PLEKHA3: variants seen among roughly 807,000 people sequenced by gnomAD.
The protein encoded by PLEKHA3 is pleckstrin homology domain containing A3.
A neutral mutation model predicts 39.2 loss-of-function variants in PLEKHA3; 19 were observed. The ratio of observed to expected loss-of-function variants is 0.48; its 90% CI spans 0.34 to 0.71. The LOEUF (loss-of-function observed/expected upper bound fraction) is 0.71. Among genes scored for constraint, PLEKHA3 ranks in the 30% least tolerant of loss-of-function variants. The pLI is 0.01. For missense variants in PLEKHA3, 253 were observed against 359.5 expected (o/e 0.70, Z 2.40); for synonymous variants, 97 against 118.6 (o/e 0.82, Z 1.18).
intron 5 of PLEKHA3, among the ~76,000 whole-genome samples, chr2:178,498,779 G>T (rs558298336): frequency 2.2e-3 from 331 of 152,156 alleles, no homozygotes; most frequent in African/African-American, 7.8e-3. Context: ...ATGATAAAGA[G>T]AAGCTTTGCT....
At chr2:178,491,495 A>G (rs1202982699) in intron 3 of PLEKHA3, among the ~76,000 whole-genome samples, 1 of 152,192 alleles carries the variant, frequency 6.6e-6, no homozygotes, top group African/African-American at 2.4e-5. Flanking sequence ...TTACCTTTGG[A>G]AGTGGAATTT....
intron 3 of PLEKHA3, among the ~76,000 whole-genome samples, chr2:178,492,043 A>C (rs1685356653): frequency 1.3e-5 from 2 of 152,184 alleles, no homozygotes; most frequent in African/African-American, 4.8e-5. Context: ...ACCCAGACTC[A>C]ACATGAGTTT....
rs1169891743 is a variant in PLEKHA3 at position 178,506,798 on chromosome 2, G to C, written c.*2911G>C. On this transcript the variant is annotated 3_prime_UTR_variant, in exon 8 of 8. Coordinates refer to ENST00000234453, the MANE Select transcript of PLEKHA3 (RefSeq NM_019091.4). ...CTGGCCTGAAAGAAAGCCAGATTAG[G>C]CTGCAGGAGTTCCTTTGAGGAGGTC... is the stretch of plus-strand genomic sequence containing the variant. 1 of 151,984 alleles carries C rather than the reference G, an allele frequency of 6.6e-6. No homozygotes were observed. Among genetic ancestry groups the C allele is most frequent in the Non-Finnish European group, 1.5e-5 (1 of 67,920 alleles). The allele number at this position is 151,984 out of a possible 1,614,324, so 9.4% of individuals were successfully genotyped here.
At chr2:178,494,550 A>T (rs1008064524) in intron 4 of PLEKHA3, among the ~76,000 whole-genome samples, 3 of 152,144 alleles carry the variant, frequency 2.0e-5, no homozygotes, top group Non-Finnish European at 4.4e-5. Context: ...ACTTGGTAGA[A>T]GTGGGGCAAG....
rs748907551 is a variant in PLEKHA3 at position 178,480,829 on chromosome 2, G to C, written c.-41G>C. 2 of 1,315,646 alleles carry C rather than the reference G, an allele frequency of 1.5e-6. No homozygotes were observed. The highest frequency in any genetic ancestry group is 3.1e-5 in the Admixed American group (1 of 32,718). The allele number at this position is 1,315,646 out of a possible 1,614,324, so 81.5% of individuals were successfully genotyped here. A position where few individuals can be genotyped will look rare whatever the true frequency, so the allele number is the denominator to read the frequency against. Reference sequence around the variant, plus strand: ...CTGCGCCTACCCCATCACCGCGGCCGGCGCCGGGCCGGGAGGATGCGCGGT... The same window carrying C: ...CTGCGCCTACCCCATCACCGCGGCCCGCGCCGGGCCGGGAGGATGCGCGGT... On this transcript the variant is annotated 5_prime_UTR_variant, in exon 1 of 8. Transcript: ENST00000234453.
intron 7 of PLEKHA3, 103 bp from the exon 8 acceptor site, chr2:178,503,657 A>G: frequency 8.1e-7 from 1 of 1,241,344 alleles, no homozygotes; most frequent in Non-Finnish European, 1.1e-6. Flanking sequence ...CCAGAAGCTA[A>G]AGGAATTTCA....
chr2:178,501,153 A>G lies in PLEKHA3; in HGVS notation c.752A>G (p.Asp251Gly). ...RTYSDTDSCSDIPLEDPDRPV... is the reference protein window; with the variant it reads ...RTYSDTDSCSGIPLEDPDRPV... ...TACTCAGATACAGATTCTTGTAGTG[A>G]TATTCCTCTTGAAGACCCAGATAGT... is the stretch of plus-strand genomic sequence containing the variant. Residue 251 changes from aspartate to glycine, a missense_variant, in exon 7 of 8, where the codon GAT becomes GGT. Transcript: ENST00000234453. 2 of 1,612,696 alleles carry G rather than the reference A, an allele frequency of 1.2e-6. No homozygotes were observed. The highest frequency in any genetic ancestry group is 2.2e-5 in the South Asian group (2 of 90,932).
intron 3 of PLEKHA3, among the ~76,000 whole-genome samples, chr2:178,492,944 A>T (rs756415614): frequency 5.3e-5 from 8 of 152,200 alleles, no homozygotes; most frequent in Admixed American, 2.0e-4. Context: ...GTTTTTTTTA[A>T]AAAGGAGAAA....
Position 178,490,719 on chromosome 2 carries a change from T to C in PLEKHA3, c.218T>C (p.Met73Thr). Residue 73 changes from methionine (M) to threonine (T), a missense_variant, in exon 3 of 8, where the codon ATG becomes ACG. Met to Thr is a moderately conservative substitution (Grantham distance 81). Around this residue, in one of 2 missense-constraint regions of PLEKHA3, gnomAD observed 126 missense variants for 222.7 expected, o/e 0.57. Transcript: ENST00000234453. The stretch of plus-strand genomic sequence containing the variant: ...ATTCCTGGAGAGCAGCATTTCTACA[T>C]GAAGGCAGTGAATGCAGCTGAAAGA... ...LIIPGEQHFY[M>T]KAVNAAERQR... The C allele has an allele frequency of 6.2e-7, 1 of 1,613,970 alleles. No homozygotes were observed. The highest frequency in any genetic ancestry group is 8.5e-7 in the Non-Finnish European group (1 of 1,179,810).
chr2:178,515,756 T>C lies in PLEKHA3; in HGVS notation c.*11869T>C, dbSNP rs1276479378. On this transcript the variant is annotated 3_prime_UTR_variant, in exon 8 of 8. Transcript: ENST00000234453. ...CTTGAGTGAATTTAAAACTCACTGC[T>C]TTATTATTTAATATCTTAGATACAA... is the stretch of plus-strand genomic sequence containing the variant. The C allele has an allele frequency of 4.6e-5, 7 of 152,248 alleles. No homozygotes were observed. The East Asian group carries it at 1.3e-3, about 29-fold the overall frequency. The allele number at this position is 152,248 out of a possible 1,614,324, so 9.4% of individuals were successfully genotyped here.
chr2:178,499,379 C>A, intron 6 of PLEKHA3, 125 bp downstream of exon 6: 2 of 796,324 alleles, frequency 2.5e-6, no homozygotes, highest in East Asian at 2.8e-5. Context: ...TCAAAACCAG[C>A]ATTTTATCTC....
intron 3 of PLEKHA3, among the ~76,000 whole-genome samples, chr2:178,493,011 A>T (rs1685378094): frequency 6.6e-6 from 1 of 152,238 alleles, no homozygotes; most frequent in Admixed American, 6.5e-5. Flanking sequence ...GCGCAGATAG[A>T]GCTGCTTTGT....
At chr2:178,497,922 A>C (rs1375364668) in intron 5 of PLEKHA3, among the ~76,000 whole-genome samples, 1 of 151,954 alleles carries the variant, frequency 6.6e-6, no homozygotes, top group African/African-American at 2.4e-5. Context: ...ATGGAAAGTA[A>C]GGTCAGACAA....
chr2:178,504,151 A>C lies in PLEKHA3; in HGVS notation c.*264A>C. ...ACAAATGATGGTGTAACATTTTGAC[A>C]TCCATAAGGACAAATGTAGATATTT... On this transcript the variant is annotated 3_prime_UTR_variant, in exon 8 of 8. Coordinates refer to ENST00000234453, the MANE Select transcript of PLEKHA3 (RefSeq NM_019091.4). The C allele has an allele frequency of 3.7e-6, 1 of 270,622 alleles. No homozygotes were observed. Among genetic ancestry groups the C allele is most frequent in the Non-Finnish European group, 7.2e-6 (1 of 138,808 alleles). 16.8% of individuals were successfully genotyped at this position (270,622 alleles called of 1,614,324 possible). A position where few individuals can be genotyped will look rare whatever the true frequency, so the allele number is the denominator to read the frequency against.
At chr2:178,499,560 A>AG (rs1685497880) in intron 6 of PLEKHA3, among the ~76,000 whole-genome samples, 1 of 152,188 alleles carries the variant, frequency 6.6e-6, no homozygotes, top group South Asian at 2.1e-4. Flanking sequence ...CATCAATGAT[A>AG]GACTGCATAT....
intron 3 of PLEKHA3, among the ~76,000 whole-genome samples, 196 bp downstream of exon 3, chr2:178,491,010 C>CTTTTTT (rs1204723389): frequency 9.3e-5 from 12 of 129,520 alleles, no homozygotes; most frequent in South Asian, 2.5e-4. Flanking sequence ...CTCTTTCTTT[C>CTTTTTT]TTTTTTTTTT....
chr2:178,499,170 T>C (rs780062299), intron 5 of PLEKHA3, 41 bp from the exon 6 acceptor site: 49 of 1,564,726 alleles, frequency 3.1e-5, no homozygotes, highest in Non-Finnish European at 4.0e-5. Flanking sequence ...ACTTGACATA[T>C]GGATTATGCT....
chr2:178,489,197 G>A (rs1685304611), intron 2 of PLEKHA3, among the ~76,000 whole-genome samples: 1 of 152,136 alleles, frequency 6.6e-6, no homozygotes, highest in Admixed American at 6.5e-5. Context: ...GAAATCTTTT[G>A]CATTCATAAT....
rs1055695078 is a variant in PLEKHA3 at position 178,511,843 on chromosome 2, A to T, written c.*7956A>T. On this transcript the variant is annotated 3_prime_UTR_variant, in exon 8 of 8. Transcript: ENST00000234453. ...TGACCTCTCCATCTTTGGCGTCCTT[A>T]TGCTGCCTCTTCTCCAAATACAGTA... 2.0e-5 allele frequency: 3 copies of T among 152,206 alleles called. No homozygotes were observed. The highest frequency in any genetic ancestry group is 4.8e-5 in the African/African-American group (2 of 41,442). The allele number at this position is 152,206 out of a possible 1,614,324, so 9.4% of individuals were successfully genotyped here. A position where few individuals can be genotyped will look rare whatever the true frequency, so the allele number is the denominator to read the frequency against.
Sources: gnomAD v4.1 joint callset for allele counts (sites outside exome capture counted in the v4.1 genomes callset) on GRCh38, gnomAD v4.1.1 for gene constraint, gnomAD v4.1.1 regional missense constraint, MANE v1.5 for transcripts, NCBI Gene and HGNC (gene_info 2026-07-23, HGNC 2026-07-21) for gene names.